The following ADGRE1 variants were observed in gnomAD, a reference collection of about 807,000 sequenced individuals.
ADGRE1 encodes the protein EGF-like module receptor 1.
Under a neutral mutation model 102.7 loss-of-function variants are expected in ADGRE1, and 82 were observed. That is an observed-to-expected ratio of 0.80 (90% CI 0.67 to 0.96). The LOEUF is 0.96. Ranked by LOEUF, ADGRE1 falls within the 40% of genes least tolerant of loss-of-function variation. The probability of loss-of-function intolerance (pLI) is 0.00; values close to 1 mark genes in which losing one functional copy is unlikely to be tolerated. For synonymous variants in ADGRE1, 398 were observed against 399.6 expected, an observed-to-expected ratio of 1.00 and a Z score of 0.05; for missense variants, 1,032 against 1,085.3, an observed-to-expected ratio of 0.95 and a Z score of 0.69.
In ADGRE1 at chr19:6,926,374, C is replaced by A. The variant is rs768658538; in HGVS notation, c.1995C>A (p.Cys665Ter). Residue 665 changes from cysteine (C) to a stop codon, truncating the protein, a stop_gained, in exon 16 of 21, where the codon TGC becomes TGA. Transcript: ENST00000312053. LOFTEE classifies it high-confidence loss of function. Reference sequence around the variant, plus strand: ...ATGCTTCTCCCCTCCAGATGGGCTGCGCCATCATCGCGGGCTTCCTGCACT... The same window carrying A: ...ATGCTTCTCCCCTCCAGATGGGCTGAGCCATCATCGCGGGCTTCCTGCACT... ...GIHKTDNKMGCAIIAGFLHYL... is the reference protein window; with the variant it reads ...GIHKTDNKMG 5 of 1,613,974 alleles carry A rather than the reference C, an allele frequency of 3.1e-6. No homozygotes were observed. The South Asian group carries it at 5.5e-5, about 18-fold the overall frequency.
chr19:6,898,364 A>G lies in ADGRE1; in HGVS notation c.514+817A>G, dbSNP rs1973647132. On this transcript the variant is annotated intron_variant, in intron 5 of 20. Coordinates refer to ENST00000312053, the MANE Select transcript of ADGRE1 (RefSeq NM_001974.5). ...TGTGGTCCTAATTCATCCTGCAAAA[A>G]CATGTCAGGGAGGTACAAGTGCAGC... The G allele has an allele frequency of 5.0e-6, 8 of 1,598,218 alleles. No individual in the cohort carries two copies. The South Asian group carries it at 8.8e-5, about 18-fold the overall frequency.
chr19:6,905,258 G>A (rs1973911888), intron 8 of ADGRE1, among the ~76,000 whole-genome samples: 1 of 152,106 alleles, frequency 6.6e-6, no homozygotes, highest in Non-Finnish European at 1.5e-5. Context: ...TGAGGTGGGA[G>A]GATCGCTTGA....
intron 8 of ADGRE1, among the ~76,000 whole-genome samples, chr19:6,904,966 C>T (rs1229248392): frequency 6.6e-6 from 1 of 151,846 alleles, no homozygotes; most frequent in Non-Finnish European, 1.5e-5. Context: ...GAGGCTCACA[C>T]CAAATGAGGA....
At chr19:6,916,006 C>T (rs1425561916) in intron 11 of ADGRE1, among the ~76,000 whole-genome samples, 2 of 151,732 alleles carry the variant, frequency 1.3e-5, no homozygotes, top group African/African-American at 2.4e-5. Context: ...CCCATCTTTC[C>T]CTGATGCACC....
At position 6,891,514 on chromosome 19, in the gene ADGRE1, T is replaced by G. The variant is rs546308009; in HGVS notation, c.94+971T>G. 5.9e-5 allele frequency among the ~76,000 whole-genome samples: 9 copies of G among 151,580 alleles called. 3 individuals are homozygous for G. ...TGTTGCCCAGGCTGGAGTGCAGTGG[T>G]GCGATCTCGGTTCACTGCAAGCTCC... On this transcript the variant is annotated intron_variant, in intron 2 of 20. Transcript: ENST00000312053.
Position 6,909,133 on chromosome 19 carries a change from C to CA in ADGRE1, c.1122+375dup, listed in dbSNP as rs35098506. On this transcript the variant is annotated intron_variant, in intron 10 of 20. Transcript: ENST00000312053. ...TTGGCAACAGACTGAGACTCCATCT[C>CA]AAAAAAAAAAAAAAGAAAGAAAGAA... is the stretch of plus-strand genomic sequence containing the variant. Among the ~76,000 whole-genome samples, 741 of 114,162 alleles carry CA rather than the reference C, an allele frequency of 6.5e-3. 1 individual carries two copies. Among genetic ancestry groups the CA allele is most frequent in the South Asian group, 0.014 (51 of 3,698 alleles). 74.9% of individuals were successfully genotyped at this position (114,162 alleles called of 152,430 possible). A position where few individuals can be genotyped will look rare whatever the true frequency, so the allele number is the denominator to read the frequency against.
In ADGRE1 at chr19:6,940,380, A is replaced by T. The variant is rs457749; in HGVS notation, c.*351A>T. On this transcript the variant is annotated 3_prime_UTR_variant, in exon 21 of 21. Transcript: ENST00000312053. Reference sequence around the variant, plus strand: ...CATGGTTCTAAGCATGCCCCTCCAGAGCCTATCATACGCCTGATACAGAGA... The same window carrying T: ...CATGGTTCTAAGCATGCCCCTCCAGTGCCTATCATACGCCTGATACAGAGA... 1.8e-5 allele frequency: 6 copies of T among 342,078 alleles called. No individual in the cohort carries two copies. The highest frequency in any genetic ancestry group is 4.0e-5 in the South Asian group (1 of 24,860). The allele number at this position is 342,078 out of a possible 1,614,324, so 21.2% of individuals were successfully genotyped here. A position where few individuals can be genotyped will look rare whatever the true frequency, so the allele number is the denominator to read the frequency against.
At position 6,937,281 on chromosome 19, in the gene ADGRE1, T is replaced by A; in HGVS notation, c.2420T>A (p.Leu807Gln). The change falls in exon 19 of 21, where the codon CTG (leucine) becomes CAG (glutamine). Residue 807 changes from leucine to glutamine, a missense_variant. Transcript: ENST00000312053. Reference sequence around the variant, plus strand: ...AAGGCCTTTGCCCAGCTCTTCATCCTGGGCTGCTCCTGGGTGCTGGGCATT... The same window carrying A: ...AAGGCCTTTGCCCAGCTCTTCATCCAGGGCTGCTCCTGGGTGCTGGGCATT... ...TFKAFAQLFI[L>Q]GCSWVLGIFQ... 6.2e-7 allele frequency: 1 copy of A among 1,614,186 alleles called. No homozygotes were observed. Among genetic ancestry groups the A allele is most frequent in the Non-Finnish European group, 8.5e-7 (1 of 1,180,006 alleles).
At chr19:6,901,723 C>A in intron 5 of ADGRE1, 152 bp from the exon 6 acceptor site, 1 of 824,884 alleles carries the variant, frequency 1.2e-6, no homozygotes, top group Non-Finnish European at 1.9e-6. Context: ...ATATGTCCCA[C>A]TGTGTGCCTG....
chr19:6,908,224 G>A (rs532972398), intron 9 of ADGRE1, among the ~76,000 whole-genome samples: 3 of 152,150 alleles, frequency 2.0e-5, no homozygotes, highest in Admixed American at 6.5e-5. Context: ...CCATCCCTTC[G>A]TTTCCCATAA....
chr19:6,902,285 G>A (rs1282910442), intron 6 of ADGRE1, among the ~76,000 whole-genome samples: 1 of 152,104 alleles, frequency 6.6e-6, no homozygotes, highest in Admixed American at 6.6e-5. Context: ...GAATTTGGAG[G>A]AGGGGCACCA....
chr19:6,901,209 G>A (rs79736446), intron 5 of ADGRE1, among the ~76,000 whole-genome samples: 1,870 of 152,348 alleles, frequency 0.012, 46 homozygotes, highest in African/African-American at 0.042. Context: ...AGCTGCAAGA[G>A]AAGCTGGGAA....
chr19:6,901,015 C>A lies in ADGRE1; in HGVS notation c.515-860C>A, dbSNP rs567994826. Among the ~76,000 whole-genome samples the A allele has an allele frequency of 2.6e-5, 4 of 152,316 alleles. No individual in the cohort carries two copies. In the East Asian group the frequency reaches 5.8e-4, roughly 22 times the overall value. On this transcript the variant is annotated intron_variant, in intron 5 of 20. Coordinates refer to ENST00000312053, the MANE Select transcript of ADGRE1 (RefSeq NM_001974.5). The stretch of plus-strand genomic sequence containing the variant: ...GCTTTTGTCTTGTTGCCTCTGCCAC[C>A]TTAGGTGTGAGCCTCATCCCCATGG...
chr19:6,938,948 A>C (rs1162343807), intron 20 of ADGRE1, among the ~76,000 whole-genome samples: 7 of 152,030 alleles, frequency 4.6e-5, no homozygotes, highest in Non-Finnish European at 2.9e-5. Flanking sequence ...GGCGCCCGCC[A>C]GCACACCCAG....
In ADGRE1 at chr19:6,937,600, C is replaced by T. The variant is rs1188071929; in HGVS notation, c.2607C>T (p.Ser869=). Residue 869 remains serine (S), a synonymous_variant, in exon 20 of 21, where the codon TCC becomes TCT. Transcript: ENST00000312053. ...ITGKTKPSSQ[S]QTSRILLSSM... The stretch of plus-strand genomic sequence containing the variant: ...GGAAGACGAAGCCCAGCTCCCAGTC[C>T]CAGACCTCAAGGATCTTGCTGTCCT... 43 of 1,613,970 alleles carry T rather than the reference C, an allele frequency of 2.7e-5. No individual in the cohort carries two copies. Among genetic ancestry groups the T allele is most frequent in the Non-Finnish European group, 3.6e-5 (43 of 1,180,012 alleles).
rs1331203412 is a variant in ADGRE1, at chr19:6,897,491, G to A, written c.458G>A (p.Gly153Glu). 6 of 1,598,222 alleles carry A rather than the reference G, an allele frequency of 3.8e-6. No individual in the cohort carries two copies. The South Asian group carries it at 4.5e-5, about 12-fold the overall frequency. Residue 153 changes from glycine (G) to glutamate (E), a missense_variant, in exon 5 of 21, where the codon GGA becomes GAA. By Grantham distance (98) the Gly-to-Glu change is moderately conservative (BLOSUM62 -2). Coordinates refer to ENST00000312053, the MANE Select transcript of ADGRE1 (RefSeq NM_001974.5). ...CATTCTGACTGTGTCAACTCCATGG[G>A]AAGCTACAGTTGCAGCTGTCAAGTT... ...PEHSDCVNSM[G>E]SYSCSCQVGF...
Position 6,940,286 on chromosome 19 carries a change from A to T in ADGRE1, c.*257A>T. 1 of 571,890 alleles carries T rather than the reference A, an allele frequency of 1.7e-6. No individual in the cohort carries two copies. Among genetic ancestry groups the T allele is most frequent in the Non-Finnish European group, 3.1e-6 (1 of 321,734 alleles). 35.4% of individuals were successfully genotyped at this position (571,890 alleles called of 1,614,324 possible). A position where few individuals can be genotyped will look rare whatever the true frequency, so the allele number is the denominator to read the frequency against. ...CTTCAATTCCAGAGTTTCTGAGAAC[A>T]GACCCAAATTCAATGGCATGACCAA... On this transcript the variant is annotated 3_prime_UTR_variant, in exon 21 of 21. Coordinates refer to ENST00000312053, the MANE Select transcript of ADGRE1 (RefSeq NM_001974.5).
chr19:6,925,568 G>A (rs1001382185), intron 15 of ADGRE1, among the ~76,000 whole-genome samples: 1 of 152,176 alleles, frequency 6.6e-6, no homozygotes, highest in Non-Finnish European at 1.5e-5. Flanking sequence ...TAGGGATACT[G>A]CTAAGTATCT....
chr19:6,889,038 G>A (rs147405220), intron 1 of ADGRE1, among the ~76,000 whole-genome samples: 10 of 151,946 alleles, frequency 6.6e-5, no homozygotes, highest in African/African-American at 2.2e-4. Flanking sequence ...TGATGATAAT[G>A]GTGATGATAG....
Sources: gnomAD v4.1 joint callset for allele counts (sites outside exome capture counted in the v4.1 genomes callset) on GRCh38, gnomAD v4.1.1 for gene constraint, MANE v1.5 for transcripts, NCBI Gene and HGNC (gene_info 2026-07-23, HGNC 2026-07-21) for gene names.